WDR64: variants seen among roughly 807,000 people sequenced by gnomAD.
WDR64 encodes WD repeat domain 64, also known as WD repeat-containing protein 64.
Under a neutral mutation model 139.3 loss-of-function variants are expected in WDR64, and 112 were observed. That is an observed-to-expected ratio of 0.80 (90% CI 0.69 to 0.94). The LOEUF (loss-of-function observed/expected upper bound fraction) is 0.94, where lower values mean the gene tolerates loss of function less well. Among genes scored for constraint, WDR64 ranks in the 40% least tolerant of loss-of-function variants. The probability of loss-of-function intolerance (pLI) is 0.00; values close to 1 mark genes in which losing one functional copy is unlikely to be tolerated. For missense variants in WDR64, 1,206 were observed against 1,293.1 expected, an observed-to-expected ratio of 0.93 and a Z score of 1.03; for synonymous variants, 444 against 437.7, an observed-to-expected ratio of 1.01 and a Z score of -0.18.
chr1:241,762,113 C>A (rs1267493783), intron 15 of WDR64, among the ~76,000 whole-genome samples: 1 of 152,178 alleles, frequency 6.6e-6, no homozygotes, highest in Non-Finnish European at 1.5e-5. Flanking sequence ...ATAGGAACCA[C>A]TATCTATGGC....
chr1:241,690,335 G>T (rs12037241), intron 8 of WDR64, among the ~76,000 whole-genome samples: 52,008 of 151,684 alleles, frequency 0.34, 9,270 homozygotes, highest in Middle Eastern at 0.42. Context: ...GCTGGGCATG[G>T]TGGCGCACAC....
At chr1:241,744,074 G>A (rs760980400) in intron 12 of WDR64, among the ~76,000 whole-genome samples, 14 of 152,146 alleles carry the variant, frequency 9.2e-5, no homozygotes, top group Non-Finnish European at 2.1e-4. Flanking sequence ...TTTGTCTGCT[G>A]AGCTTGCAAT....
chr1:241,794,311 T>A (rs1474023084), intron 25 of WDR64, among the ~76,000 whole-genome samples: 1 of 152,112 alleles, frequency 6.6e-6, no homozygotes, highest in Admixed American at 6.5e-5. Context: ...TTTTGTTGAA[T>A]AGGACTAAAA....
rs1442880570 is a variant in WDR64, at chr1:241,771,702, G to C, written c.2290+5G>C. The C allele has an allele frequency of 2.7e-6, 4 of 1,467,894 alleles. No individual in the cohort carries two copies. The highest frequency in any genetic ancestry group is 1.8e-6 in the Non-Finnish European group (2 of 1,104,902). 90.9% of individuals were successfully genotyped at this position (1,467,894 alleles called of 1,614,324 possible). A position where few individuals can be genotyped will look rare whatever the true frequency, so the allele number is the denominator to read the frequency against. On this transcript the variant is annotated splice_donor_5th_base_variant and intron_variant, in intron 19 of 27. Coordinates refer to ENST00000437684, the MANE Select transcript of WDR64 (RefSeq NM_001367482.1). Reference sequence around the variant, plus strand: ...TACATGACAGTGAGGTTAAAGGTCAGTATGAAATCACCTCTCTTCTTTATA... The same window carrying C: ...TACATGACAGTGAGGTTAAAGGTCACTATGAAATCACCTCTCTTCTTTATA...
chr1:241,677,763 A>G (rs970774753), intron 4 of WDR64, among the ~76,000 whole-genome samples: 1 of 152,228 alleles, frequency 6.6e-6, no homozygotes, highest in Non-Finnish European at 1.5e-5. Flanking sequence ...AAACAAAACA[A>G]TGGTAGTTTT....
intron 25 of WDR64, among the ~76,000 whole-genome samples, chr1:241,791,360 G>A (rs1311892084): frequency 6.6e-6 from 1 of 152,146 alleles, no homozygotes; most frequent in African/African-American, 2.4e-5. Context: ...GACCCAGCAT[G>A]AAAAATTATC....
In WDR64 at chr1:241,749,702, G is replaced by C. The variant is rs754188879; in HGVS notation, c.1750G>C (p.Gly584Arg). ...QQLVLALERN[G>R]TIKMIQGKED... ...GCTGGTCCTGGCCTTGGAGCGCAACGGGACTATCAAAATGATCCAGGTTTA... is the reference window on the plus strand; with the variant it reads ...GCTGGTCCTGGCCTTGGAGCGCAACCGGACTATCAAAATGATCCAGGTTTA... The change falls in exon 14 of 28, where the codon GGG (glycine) becomes CGG (arginine). Residue 584 changes from glycine (G) to arginine (R), a missense_variant. Transcript: ENST00000437684. 2 of 1,613,826 alleles carry C rather than the reference G, an allele frequency of 1.2e-6. No homozygotes were observed. The highest frequency in any genetic ancestry group is 1.7e-6 in the Non-Finnish European group (2 of 1,179,964).
chr1:241,769,766 A>G (rs1658350102), intron 17 of WDR64, among the ~76,000 whole-genome samples: 1 of 152,170 alleles, frequency 6.6e-6, no homozygotes, highest in African/African-American at 2.4e-5. Flanking sequence ...TCACCATGTC[A>G]GCCTCACAGC....
intron 22 of WDR64, among the ~76,000 whole-genome samples, chr1:241,781,739 T>C (rs553878546): frequency 2.0e-5 from 3 of 152,056 alleles, no homozygotes; most frequent in South Asian, 4.2e-4. Context: ...TTGTAACCAG[T>C]ATTTTTATAA....
chr1:241,693,290 T>C (rs1180878145), intron 8 of WDR64, among the ~76,000 whole-genome samples: 1 of 152,190 alleles, frequency 6.6e-6, no homozygotes, highest in African/African-American at 2.4e-5. Context: ...TGCATATTAC[T>C]AAGTTAAAGA....
At chr1:241,723,191 G>A in intron 9 of WDR64, 106 bp from the exon 10 acceptor site, 1 of 1,414,962 alleles carries the variant, frequency 7.1e-7, no homozygotes, top group Non-Finnish European at 9.6e-7. Flanking sequence ...GAAACGGACT[G>A]TGATTTGCTG....
chr1:241,740,729 A>G (rs6429297), intron 11 of WDR64, among the ~76,000 whole-genome samples: 88,314 of 151,384 alleles, frequency 0.58, 27,000 homozygotes, highest in African/African-American at 0.78. Flanking sequence ...GTGCAATGGC[A>G]TGACCTCGGC....
intron 8 of WDR64, among the ~76,000 whole-genome samples, chr1:241,696,654 C>T (rs113161186): frequency 2.0e-5 from 3 of 152,116 alleles, no homozygotes; most frequent in South Asian, 2.1e-4. Flanking sequence ...GTTTGCAAAC[C>T]GTCATGGCAC....
intron 8 of WDR64, among the ~76,000 whole-genome samples, chr1:241,695,979 T>C (rs1246776355): frequency 1.3e-5 from 2 of 151,424 alleles, no homozygotes. Flanking sequence ...CCAGGTATGG[T>C]GGCATGCGCC....
intron 21 of WDR64, among the ~76,000 whole-genome samples, chr1:241,776,606 T>C (rs1304001465): frequency 6.6e-6 from 1 of 152,230 alleles, no homozygotes; most frequent in East Asian, 1.9e-4. Flanking sequence ...GATTTTCGCT[T>C]ATCTATCAAT....
At chr1:241,657,217 C>CT (rs1451928942) in intron 1 of WDR64, among the ~76,000 whole-genome samples, 1 of 152,030 alleles carries the variant, frequency 6.6e-6, no homozygotes, top group African/African-American at 2.4e-5. Flanking sequence ...TGCAGTCACC[C>CT]TCAGTGTTAC....
At chr1:241,784,041 AT>A (rs1435312909) in intron 23 of WDR64, among the ~76,000 whole-genome samples, 7 of 152,214 alleles carry the variant, frequency 4.6e-5, no homozygotes, top group African/African-American at 1.7e-4. Context: ...GGGAATTTCA[AT>A]GGAATCAAAA....
At chr1:241,679,616 C>T (rs1350165556) in intron 6 of WDR64, 21 bp downstream of exon 6, 3 of 1,541,240 alleles carry the variant, frequency 1.9e-6, no homozygotes, top group East Asian at 4.9e-5. Flanking sequence ...AAGAGAAATA[C>T]TCAAAGAAAT....
At chr1:241,754,258 T>C (rs1670089338) in intron 14 of WDR64, among the ~76,000 whole-genome samples, 1 of 151,932 alleles carries the variant, frequency 6.6e-6, no homozygotes, top group African/African-American at 2.4e-5. Flanking sequence ...TTTTTTTATA[T>C]ACTTTGAGGT....
Sources: gnomAD v4.1 joint callset for allele counts (sites outside exome capture counted in the v4.1 genomes callset) on GRCh38, gnomAD v4.1.1 for gene constraint, MANE v1.5 for transcripts, NCBI Gene and HGNC (gene_info 2026-07-23, HGNC 2026-07-21) for gene names.